DNAH6: variants seen among roughly 807,000 people sequenced by gnomAD.
DNAH6 encodes dynein axonemal heavy chain 6, also known as axonemal beta dynein heavy chain 6.
A neutral mutation model predicts 491.4 loss-of-function variants in DNAH6; 340 were observed. The observed-to-expected ratio is 0.69, with a 90% CI of 0.63 to 0.76. The LOEUF (loss-of-function observed/expected upper bound fraction) is 0.76. Among genes scored for constraint, DNAH6 ranks in the 30% least tolerant of loss-of-function variants. The pLI, the probability that DNAH6 is intolerant of heterozygous loss-of-function variation, is 0.00. For missense variants in DNAH6, 4,443 were observed against 4,972.2 expected (o/e 0.89, Z 3.20); for synonymous variants, 1,603 against 1,686.1 (o/e 0.95, Z 1.21).
At position 84,619,751 on chromosome 2, in the gene DNAH6, G is replaced by A. The variant is rs1386515245; in HGVS notation, c.3639G>A (p.Val1213=). The A allele has an allele frequency of 2.4e-5, 38 of 1,551,530 alleles. No individual in the cohort carries two copies. Among genetic ancestry groups the A allele is most frequent in the African/African-American group, 4.1e-5 (3 of 72,996 alleles). ...CCCAGACACGAAATCCACAGGCCGTGCAGCCACACTTAAGGAAATGCTTCG... is the reference window on the plus strand; with the variant it reads ...CCCAGACACGAAATCCACAGGCCGTACAGCCACACTTAAGGAAATGCTTCG... ...ILAQTRNPQA[V]QPHLRKCFDS... is the part of the protein sequence containing the mutation. Residue 1213 remains valine (V), a synonymous_variant, in exon 24 of 77, where the codon GTG becomes GTA. Coordinates refer to ENST00000389394, the MANE Select transcript of DNAH6 (RefSeq NM_001370.2).
At chr2:84,682,877 G>GT (rs1295303594) in intron 42 of DNAH6, among the ~76,000 whole-genome samples, 2 of 152,184 alleles carry the variant, frequency 1.3e-5, no homozygotes, top group Non-Finnish European at 2.9e-5. Flanking sequence ...CATGGGCCCT[G>GT]TTGAGACCCT....
chr2:84,722,433 A>C (rs1698250872), intron 59 of DNAH6, among the ~76,000 whole-genome samples, 192 bp from the exon 60 acceptor site: 1 of 152,196 alleles, frequency 6.6e-6, no homozygotes, highest in African/African-American at 2.4e-5. Flanking sequence ...TAACTCTGGA[A>C]GGAAGAAAGG....
At chr2:84,593,911 T>C in intron 16 of DNAH6, 61 bp from the exon 17 acceptor site, 1 of 901,660 alleles carries the variant, frequency 1.1e-6, no homozygotes. Flanking sequence ...AATAGGAGAA[T>C]AGCATATGCT....
intron 33 of DNAH6, among the ~76,000 whole-genome samples, chr2:84,643,258 T>C (rs1423760868): frequency 2.0e-5 from 3 of 149,892 alleles, no homozygotes; most frequent in Non-Finnish European, 4.5e-5. Flanking sequence ...CATCTATAGG[T>C]AAAGTGGGGT....
intron 18 of DNAH6, among the ~76,000 whole-genome samples, chr2:84,604,101 A>G (rs1685520676): frequency 6.6e-6 from 1 of 152,192 alleles, no homozygotes; most frequent in African/African-American, 2.4e-5. Context: ...CTCCTTGTGG[A>G]GAAACCTGTC....
Position 84,720,523 on chromosome 2 carries a change from C to A in DNAH6, c.9793-2102C>A, listed in dbSNP as rs540334583. 1.2e-4 allele frequency among the ~76,000 whole-genome samples: 18 copies of A among 151,980 alleles called. No homozygotes were observed. In the East Asian group the frequency reaches 3.3e-3, roughly 28 times the overall value. ...TTGATCTCCTGACCTCGTGATCCGC[C>A]CGCCTCGGCCTCCCAAAGTGCTGGG... On this transcript the variant is annotated intron_variant, in intron 59 of 76. Transcript: ENST00000389394.
rs148576280 is a variant in DNAH6, at chr2:84,688,311, A to C, written c.7138-128A>C. ...ATCAAAACCCTATTTCTGAGCTCCT[A>C]TGTAAATTTTATTGCAAAGACCTTC... On this transcript the variant is annotated intron_variant, in intron 44 of 76. Transcript: ENST00000389394. The C allele has an allele frequency of 2.9e-5, 19 of 664,806 alleles. No homozygotes were observed. In the East Asian group the frequency reaches 6.3e-4, roughly 22 times the overall value. The allele number at this position is 664,806 out of a possible 1,614,324, so 41.2% of individuals were successfully genotyped here.
At chr2:84,640,394 A>G (rs551623973) in intron 31 of DNAH6, 36 bp from the exon 32 acceptor site, 224 of 1,293,716 alleles carry the variant, frequency 1.7e-4, no homozygotes, top group Non-Finnish European at 2.0e-4. Flanking sequence ...TTATCAATAC[A>G]ATATAATAAG....
intron 18 of DNAH6, among the ~76,000 whole-genome samples, chr2:84,601,004 T>TATAATAATATTATA (rs1391799625): frequency 6.8e-6 from 1 of 147,266 alleles, no homozygotes; most frequent in African/African-American, 2.5e-5. Context: ...AATAATATAC[T>TATAATAATATTATA]ATAATAATAT....
rs144281415 is a variant in DNAH6 at position 84,716,768 on chromosome 2, G to A, written c.9611+1141G>A. On this transcript the variant is annotated intron_variant, in intron 58 of 76. Coordinates refer to ENST00000389394, the MANE Select transcript of DNAH6 (RefSeq NM_001370.2). ...AGGAGAAGTGCCCTGATAAGAACAC[G>A]AGAAATGCTGGGACTCAGTCATGGT... 1.2e-4 allele frequency among the ~76,000 whole-genome samples: 18 copies of A among 152,296 alleles called. No homozygotes were observed. The East Asian group carries it at 1.9e-3, about 16-fold the overall frequency.
chr2:84,561,417 C>T (rs1213861629), intron 11 of DNAH6, among the ~76,000 whole-genome samples: 1 of 152,094 alleles, frequency 6.6e-6, no homozygotes, highest in African/African-American at 2.4e-5. Context: ...AAACGTTAGA[C>T]CTAAAACCAT....
intron 40 of DNAH6, among the ~76,000 whole-genome samples, chr2:84,674,717 C>T (rs1014619821): frequency 6.6e-6 from 1 of 152,186 alleles, no homozygotes; most frequent in Non-Finnish European, 1.5e-5. Context: ...GAGAATATCA[C>T]GTGCCCTTTG....
intron 33 of DNAH6, among the ~76,000 whole-genome samples, chr2:84,643,914 TTTTG>T (rs1689650910): frequency 1.3e-5 from 2 of 152,122 alleles, no homozygotes; most frequent in South Asian, 4.1e-4. Context: ...TTTTGTTTTA[TTTTG>T]TTTGTTTGTT....
At chr2:84,685,721 A>G (rs922275754) in intron 43 of DNAH6, among the ~76,000 whole-genome samples, 3 of 152,044 alleles carry the variant, frequency 2.0e-5, no homozygotes, top group Non-Finnish European at 4.4e-5. Context: ...GTGGCTGGGT[A>G]CTTGGATCCC....
In DNAH6 at chr2:84,745,621, G is replaced by A. The variant is rs1033651148; in HGVS notation, c.10512+372G>A. ...GCAGAGCTTGCAGTGAGCCGAGATCGCGCCACTGCACTCCAGCCTGGGCAA... is the reference window on the plus strand; with the variant it reads ...GCAGAGCTTGCAGTGAGCCGAGATCACGCCACTGCACTCCAGCCTGGGCAA... On this transcript the variant is annotated intron_variant, in intron 63 of 76. Coordinates refer to ENST00000389394, the MANE Select transcript of DNAH6 (RefSeq NM_001370.2). 1.6e-4 allele frequency among the ~76,000 whole-genome samples: 24 copies of A among 149,618 alleles called. No individual in the cohort carries two copies. The East Asian group carries it at 3.3e-3, about 21-fold the overall frequency.
At position 84,672,334 on chromosome 2, in the gene DNAH6, G is replaced by A. The variant is rs768199431; in HGVS notation, c.6462G>A (p.Pro2154=). Residue 2154 remains proline (P), a synonymous_variant, in exon 40 of 77, where the codon CCG becomes CCA. Coordinates refer to ENST00000389394, the MANE Select transcript of DNAH6 (RefSeq NM_001370.2). ...TTCATTTTATTTCCCTAGGAGCACC[G>A]GGAAACAAACGAATTGTGATTTTTG... The part of the protein sequence containing the change: ...ERKRKNILGA[P]GNKRIVIFVD... The A allele has an allele frequency of 1.2e-5, 18 of 1,546,750 alleles. No homozygotes were observed. The highest frequency in any genetic ancestry group is 8.0e-5 in the Admixed American group (4 of 50,088).
At chr2:84,779,666 T>C (rs1676488692) in intron 64 of DNAH6, among the ~76,000 whole-genome samples, 1 of 152,172 alleles carries the variant, frequency 6.6e-6, no homozygotes, top group Non-Finnish European at 1.5e-5. Flanking sequence ...AAGGTTTTGA[T>C]CCTATTGTGA....
rs1258472038 is a variant in DNAH6 at position 84,669,396 on chromosome 2, A to G, written c.6192A>G (p.Pro2064=). Residue 2064 remains proline (P), a synonymous_variant, in exon 38 of 77, where the codon CCA becomes CCG. Transcript: ENST00000389394. ...CTTTCAAATACAACCGAGATGTTCC[A>G]TTTTTTGAAATGCTTGTCCCCACAA... The part of the protein sequence containing the change: ...IPTFKYNRDV[P]FFEMLVPTTD... 1 of 1,552,018 alleles carries G rather than the reference A, an allele frequency of 6.4e-7. No individual in the cohort carries two copies. Among genetic ancestry groups the G allele is most frequent in the Non-Finnish European group, 8.7e-7 (1 of 1,147,034 alleles).
upstream of DNAH6, among the ~76,000 whole-genome samples, chr2:84,512,547 C>A (rs1422257404): frequency 1.3e-5 from 2 of 152,206 alleles, no homozygotes; most frequent in African/African-American, 4.8e-5. Context: ...ATATGAACTT[C>A]AGGGGACACA....
Sources: gnomAD v4.1 joint callset for allele counts (sites outside exome capture counted in the v4.1 genomes callset) on GRCh38, gnomAD v4.1.1 for gene constraint, MANE v1.5 for transcripts, NCBI Gene and HGNC (gene_info 2026-07-23, HGNC 2026-07-21) for gene names.